ATP10B: variants seen among roughly 807,000 people sequenced by gnomAD.
ATP10B encodes phospholipid-transporting ATPase VB.
A neutral mutation model predicts 141.2 loss-of-function variants in ATP10B; 122 were observed. That is an observed-to-expected ratio of 0.86 (90% confidence interval 0.75 to 1.00). The LOEUF (loss-of-function observed/expected upper bound fraction) is 1.00, where lower values mean the gene tolerates loss of function less well. Among genes scored for constraint, ATP10B ranks in the 50% least tolerant of loss-of-function variants. The pLI, the probability that ATP10B is intolerant of heterozygous loss-of-function variation, is 0.00. For missense variants in ATP10B, 1,876 were observed against 1,825.3 expected, an observed-to-expected ratio of 1.03 and a Z score of -0.51; for synonymous variants, 685 against 692.0, an observed-to-expected ratio of 0.99 and a Z score of 0.16.
intron 18 of ATP10B, 107 bp from the exon 19 acceptor site, chr5:160,607,193 G>A: frequency 1.1e-6 from 1 of 898,002 alleles, no homozygotes; most frequent in Non-Finnish European, 1.7e-6. Flanking sequence ...TACTACCATA[G>A]AGATTATTTA....
At chr5:160,601,219 C>T (rs1757082621) in intron 21 of ATP10B, among the ~76,000 whole-genome samples, 1 of 152,152 alleles carries the variant, frequency 6.6e-6, no homozygotes, top group Non-Finnish European at 1.5e-5. Flanking sequence ...TGTTTATCTA[C>T]ATATACATTG....
At position 160,615,870 on chromosome 5, in the gene ATP10B, G is replaced by A. The variant is rs2127642467; in HGVS notation, c.2621C>T (p.Ala874Val). 6.2e-7 allele frequency: 1 copy of A among 1,613,552 alleles called. No homozygotes were observed. The highest frequency in any genetic ancestry group is 2.2e-5 in the East Asian group (1 of 44,864). ...DNRDELLMET[A>V]QHLENQLTLL... ...GGTGAGTTGATTCTCCAGATGCTGT[G>A]CAGTTTCCATGAGAAGCTCATCTCG... Residue 874 changes from alanine to valine, a missense_variant, in exon 17 of 26, where the codon GCA becomes GTA. Coordinates refer to ENST00000327245, the MANE Select transcript of ATP10B (RefSeq NM_025153.3).
intron 2 of ATP10B, among the ~76,000 whole-genome samples, chr5:160,774,643 C>T (rs1561840080): frequency 6.6e-6 from 1 of 152,146 alleles, no homozygotes; most frequent in Non-Finnish European, 1.5e-5. Context: ...AGGTGGAAAC[C>T]TGGTCCACGA....
At chr5:160,739,834 T>A (rs1430193576) in intron 2 of ATP10B, among the ~76,000 whole-genome samples, 3 of 152,348 alleles carry the variant, frequency 2.0e-5, no homozygotes, top group Non-Finnish European at 4.4e-5. Flanking sequence ...TTTAAAATTG[T>A]ATTTTATTAT....
At chr5:160,675,472 G>A (rs114077461) in intron 6 of ATP10B, among the ~76,000 whole-genome samples, 3,004 of 152,282 alleles carry the variant, frequency 0.02, 88 homozygotes, top group African/African-American at 0.068. Context: ...GGTGAAAGGC[G>A]AAATAGAGGG....
intron 6 of ATP10B, among the ~76,000 whole-genome samples, chr5:160,675,910 G>A (rs1172834580): frequency 6.6e-6 from 1 of 152,052 alleles, no homozygotes; most frequent in Non-Finnish European, 1.5e-5. Flanking sequence ...GGCTGGGCTG[G>A]AAATAGTGGA....
intron 1 of ATP10B, among the ~76,000 whole-genome samples, chr5:160,823,160 C>A (rs1434933701): frequency 2.0e-5 from 3 of 151,022 alleles, no homozygotes; most frequent in Non-Finnish European, 1.5e-5. Context: ...TGTAGATAGG[C>A]TGGATAAATA....
upstream of ATP10B, among the ~76,000 whole-genome samples, chr5:160,853,118 C>T (rs1386982595): frequency 6.6e-6 from 1 of 152,166 alleles, no homozygotes; most frequent in Non-Finnish European, 1.5e-5. Context: ...CATCTAAAAT[C>T]TGCATCGCTG....
the ATP10B span, among the ~76,000 whole-genome samples, chr5:160,884,456 T>C: frequency 1.3e-5 from 2 of 152,188 alleles, no homozygotes; most frequent in South Asian, 2.1e-4. Flanking sequence ...TTTATGTCTA[T>C]AGTGATAATT....
intron 1 of ATP10B, among the ~76,000 whole-genome samples, chr5:160,816,522 C>A (rs547073638): frequency 2.0e-5 from 3 of 152,012 alleles, no homozygotes; most frequent in Non-Finnish European, 4.4e-5. Context: ...AGCTTACCAA[C>A]CAAAAAAAAT....
At chr5:160,871,826 A>C in the ATP10B span, among the ~76,000 whole-genome samples, 1 of 152,112 alleles carries the variant, frequency 6.6e-6, no homozygotes, top group Non-Finnish European at 1.5e-5. Context: ...GCTGTCATAA[A>C]TGTGTGTGCG....
chr5:160,779,558 G>A (rs2127877633), intron 2 of ATP10B, among the ~76,000 whole-genome samples: 1 of 152,274 alleles, frequency 6.6e-6, no homozygotes, highest in Non-Finnish European at 1.5e-5. Flanking sequence ...AACTGAGTGT[G>A]ACTAATCACC....
intron 3 of ATP10B, among the ~76,000 whole-genome samples, chr5:160,708,968 C>T (rs979407738): frequency 2.6e-5 from 4 of 152,158 alleles, no homozygotes; most frequent in African/African-American, 4.8e-5. Flanking sequence ...GCAACAGACC[C>T]GTGTAGATAT....
the ATP10B span, among the ~76,000 whole-genome samples, chr5:160,923,607 C>T: frequency 1.1e-4 from 16 of 152,270 alleles, no homozygotes; most frequent in African/African-American, 2.9e-4. Flanking sequence ...AGGATGATGT[C>T]CAAGCTTTAA....
chr5:160,791,066 G>A (rs1280108476), intron 1 of ATP10B, among the ~76,000 whole-genome samples: 1 of 152,020 alleles, frequency 6.6e-6, no homozygotes, highest in Non-Finnish European at 1.5e-5. Context: ...TCAGGTGAAA[G>A]CAAGAAAGGA....
chr5:160,675,511 C>A (rs1401932116), intron 6 of ATP10B, among the ~76,000 whole-genome samples: 2 of 152,148 alleles, frequency 1.3e-5, no homozygotes, highest in African/African-American at 4.8e-5. Context: ...CTCCATTTCT[C>A]AAGCATCTGG....
At chr5:160,771,757 T>C (rs1324079110) in intron 2 of ATP10B, among the ~76,000 whole-genome samples, 1 of 152,240 alleles carries the variant, frequency 6.6e-6, no homozygotes, top group Non-Finnish European at 1.5e-5. Flanking sequence ...CATCTTGCTT[T>C]GATCCAAGCC....
chr5:160,872,805 A>G, the ATP10B span, among the ~76,000 whole-genome samples: 119,959 of 152,114 alleles, frequency 0.79, 48,114 homozygotes, highest in East Asian at 0.98. Context: ...ATATCAGGTA[A>G]TGTGATGCCT....
the ATP10B span, among the ~76,000 whole-genome samples, chr5:160,880,231 TA>T: frequency 7.0e-6 from 1 of 142,356 alleles, no homozygotes; most frequent in Non-Finnish European, 1.5e-5. Context: ...AAATAAAATA[TA>T]AATATTTTTA....
Sources: allele counts gnomAD v4.1 joint callset (sites outside exome capture counted in the v4.1 genomes callset), GRCh38; gene constraint gnomAD v4.1.1; transcripts MANE v1.5; gene names NCBI Gene and HGNC (gene_info 2026-07-23, HGNC 2026-07-21).